The following CDH13 variants were observed in gnomAD, a reference collection of about 807,000 sequenced individuals.
The protein encoded by CDH13 is cadherin-13.
In CDH13, 24 loss-of-function variants were observed where a neutral mutation model predicts 63.8. The ratio of observed to expected loss-of-function variants is 0.38; its 90% CI spans 0.27 to 0.53. The LOEUF is 0.53. Ranked by LOEUF, CDH13 falls within the 20% of genes least tolerant of loss-of-function variation. CDH13 has a pLI of 0.85. For missense variants in CDH13, 1,049 were observed against 903.1 expected (o/e 1.16, Z -2.07); for synonymous variants, 503 against 355.3 (o/e 1.42, Z -4.67).
chr16:83,113,023 A>G (rs2035135659), intron 3 of CDH13, among the ~76,000 whole-genome samples: 1 of 152,214 alleles, frequency 6.6e-6, no homozygotes, highest in African/African-American at 2.4e-5. Flanking sequence ...AAGGAACGCA[A>G]AAGCAGGGAG....
chr16:82,645,648 C>G (rs1369610469), intron 1 of CDH13, among the ~76,000 whole-genome samples: 2 of 152,188 alleles, frequency 1.3e-5, no homozygotes, highest in African/African-American at 4.8e-5. Flanking sequence ...TCACCCAGCA[C>G]ACACAGGGAT....
chr16:83,404,923 C>T (rs1343406321), intron 6 of CDH13, among the ~76,000 whole-genome samples: 3 of 152,258 alleles, frequency 2.0e-5, no homozygotes, highest in Middle Eastern at 3.4e-3. Flanking sequence ...TCCTCAAAAA[C>T]ATTCGTTAGG....
chr16:82,690,482 G>T (rs1453515628), intron 1 of CDH13, among the ~76,000 whole-genome samples: 6 of 152,150 alleles, frequency 3.9e-5, no homozygotes, highest in Non-Finnish European at 5.9e-5. Context: ...TGATGATCCA[G>T]AAGAGGAAGC....
chr16:83,443,401 G>A (rs756621588), intron 6 of CDH13, among the ~76,000 whole-genome samples: 20 of 152,160 alleles, frequency 1.3e-4, no homozygotes, highest in South Asian at 6.2e-4. Context: ...TTCTCAGTGC[G>A]TGTTGAATGT....
chr16:82,801,869 C>G (rs2036870283), intron 1 of CDH13, among the ~76,000 whole-genome samples: 1 of 152,148 alleles, frequency 6.6e-6, no homozygotes, highest in Non-Finnish European at 1.5e-5. Context: ...ATTTTGTTCC[C>G]AAACACTCAT....
At chr16:83,744,548 G>C (rs369152488) in intron 10 of CDH13, among the ~76,000 whole-genome samples, 2 of 152,232 alleles carry the variant, frequency 1.3e-5, no homozygotes, top group Admixed American at 1.3e-4. Context: ...CACAGTTGCA[G>C]CATCAAAACA....
At chr16:83,325,089 C>T (rs999672510) in intron 5 of CDH13, among the ~76,000 whole-genome samples, 8 of 152,156 alleles carry the variant, frequency 5.3e-5, no homozygotes, top group African/African-American at 9.7e-5. Context: ...AGCCTTCATC[C>T]GCAATCTAAA....
intron 7 of CDH13, among the ~76,000 whole-genome samples, chr16:83,524,092 C>T (rs1408843724): frequency 6.6e-6 from 1 of 152,138 alleles, no homozygotes; most frequent in Non-Finnish European, 1.5e-5. Flanking sequence ...AACAGAACCC[C>T]GAAGAGCTGA....
chr16:83,461,016 CACACAG>C, intron 6 of CDH13, among the ~76,000 whole-genome samples: 1 of 151,186 alleles, frequency 6.6e-6, no homozygotes, highest in Non-Finnish European at 1.5e-5. Flanking sequence ...CACACACACA[CACACAG>C]AACAAACACT....
intron 4 of CDH13, among the ~76,000 whole-genome samples, chr16:83,209,721 C>T (rs1484448766): frequency 6.6e-6 from 1 of 152,126 alleles, no homozygotes; most frequent in Non-Finnish European, 1.5e-5. Flanking sequence ...GTTACCACCA[C>T]CCACCAAGAG....
intron 2 of CDH13, among the ~76,000 whole-genome samples, chr16:82,903,222 T>G (rs1023086469): frequency 6.6e-6 from 1 of 152,220 alleles, no homozygotes; most frequent in African/African-American, 2.4e-5. Context: ...GCAGCAGTAA[T>G]GAATGCCTCA....
intron 8 of CDH13, among the ~76,000 whole-genome samples, chr16:83,633,251 A>T (rs1385728333): frequency 1.3e-5 from 2 of 152,164 alleles, no homozygotes; most frequent in Non-Finnish European, 2.9e-5. Context: ...CCTATTCAAG[A>T]TGGAGTTGCT....
chr16:82,942,984 A>C (rs1239085692), intron 2 of CDH13, among the ~76,000 whole-genome samples: 5 of 152,172 alleles, frequency 3.3e-5, no homozygotes, highest in African/African-American at 1.2e-4. Flanking sequence ...AGCTGAATTT[A>C]TTTGTATGCC....
intron 2 of CDH13, among the ~76,000 whole-genome samples, chr16:82,935,021 C>G (rs372681678): frequency 9.2e-5 from 14 of 152,160 alleles, no homozygotes; most frequent in Admixed American, 7.9e-4. Context: ...GGCAGCACCC[C>G]GCTCCCTCGG....
At chr16:83,767,345 T>C (rs535408905) in intron 11 of CDH13, among the ~76,000 whole-genome samples, 1 of 152,180 alleles carries the variant, frequency 6.6e-6, no homozygotes, top group South Asian at 2.1e-4. Context: ...ACTGTTCTTA[T>C]GGTAGCGAAT....
chr16:83,793,431 G>T (rs1483509547), intron 13 of CDH13, among the ~76,000 whole-genome samples: 2 of 152,172 alleles, frequency 1.3e-5, no homozygotes, highest in South Asian at 4.1e-4. Context: ...ATAAGGAGGA[G>T]CCACGAGCAG....
intron 6 of CDH13, among the ~76,000 whole-genome samples, chr16:83,366,675 A>G (rs935756885): frequency 5.9e-5 from 9 of 152,092 alleles, no homozygotes; most frequent in African/African-American, 1.9e-4. Context: ...CCTAGAACAC[A>G]TGTGTTGGAA....
At chr16:82,708,684 C>A (rs886080976) in intron 1 of CDH13, among the ~76,000 whole-genome samples, 1 of 152,142 alleles carries the variant, frequency 6.6e-6, no homozygotes, top group Non-Finnish European at 1.5e-5. Flanking sequence ...GTCTAAAACA[C>A]CATGACCACT....
intron 2 of CDH13, among the ~76,000 whole-genome samples, chr16:83,029,417 C>G (rs4591132): frequency 2.0e-5 from 3 of 151,760 alleles, no homozygotes; most frequent in Non-Finnish European, 4.4e-5. Context: ...AGATACCAGT[C>G]GAGAGTAGGA....
Sources: gnomAD v4.1 joint callset for allele counts (sites outside exome capture counted in the v4.1 genomes callset) on GRCh38, gnomAD v4.1.1 for gene constraint, MANE v1.5 for transcripts, NCBI Gene and HGNC (gene_info 2026-07-23, HGNC 2026-07-21) for gene names.